Variants in FAM184A observed in about 807,000 individuals in gnomAD.
FAM184A encodes family with sequence similarity 184 member A.
Under a neutral mutation model 143.8 loss-of-function variants are expected in FAM184A, and 99 were observed. That is an observed-to-expected ratio of 0.69 (90% CI 0.58 to 0.81). The LOEUF is 0.81. Ranked by LOEUF, FAM184A falls within the 40% of genes least tolerant of loss-of-function variation. The probability of loss-of-function intolerance (pLI) is 0.00; values close to 1 mark genes in which losing one functional copy is unlikely to be tolerated. For synonymous variants in FAM184A, 427 were observed against 446.4 expected (o/e 0.96, Z 0.55); for missense variants, 1,217 against 1,310.5 (o/e 0.93, Z 1.10).
chr6:119,026,610 C>G (rs764678004), intron 1 of FAM184A, among the ~76,000 whole-genome samples: 39 of 152,284 alleles, frequency 2.6e-4, no homozygotes, highest in Non-Finnish European at 5.3e-4. Context: ...ATTGGACATG[C>G]TGGGCTTTTC....
At position 119,033,456 on chromosome 6, in the gene FAM184A, G is replaced by C. The variant is rs200851795; in HGVS notation, c.160-8643C>G. Among the ~76,000 whole-genome samples, 49 of 151,702 alleles carry C rather than the reference G, an allele frequency of 3.2e-4. No homozygotes were observed. In the East Asian group the frequency reaches 4.5e-3, roughly 14 times the overall value. On this transcript the variant is annotated intron_variant, in intron 1 of 17. Transcript: ENST00000338891. ...CAAGGTGGTCAAATCATGAGGTCAG[G>C]AGTTCAAGACCAGCCTGGTCAACAT... is the stretch of plus-strand genomic sequence containing the variant.
intron 1 of FAM184A, among the ~76,000 whole-genome samples, chr6:119,055,063 C>CT (rs1786909096): frequency 6.6e-6 from 1 of 152,150 alleles, no homozygotes; most frequent in Non-Finnish European, 1.5e-5. Context: ...CCCTTCTCCT[C>CT]ACAACCCCTC....
At chr6:119,122,255 T>A (rs1789234909) in intron 1 of FAM184A, among the ~76,000 whole-genome samples, 1 of 152,216 alleles carries the variant, frequency 6.6e-6, no homozygotes, top group South Asian at 2.1e-4. Flanking sequence ...GAAGGGAATG[T>A]CTTGCATTAA....
At chr6:119,026,259 T>TA (rs1168124189) in intron 1 of FAM184A, among the ~76,000 whole-genome samples, 2 of 152,272 alleles carry the variant, frequency 1.3e-5, no homozygotes, top group South Asian at 4.2e-4. Context: ...ATTCTGTTTT[T>TA]AAAAAACCCT....
At chr6:118,966,493 T>G (rs987243050) in intron 15 of FAM184A, among the ~76,000 whole-genome samples, 1 of 152,198 alleles carries the variant, frequency 6.6e-6, no homozygotes, top group East Asian at 1.9e-4. Flanking sequence ...GGCTTTTCTT[T>G]GCTAGCCAAT....
chr6:118,961,613 C>T lies in FAM184A; in HGVS notation c.3341+148G>A, dbSNP rs1783327272. 16 of 720,800 alleles carry T rather than the reference C, an allele frequency of 2.2e-5. No individual in the cohort carries two copies. The South Asian group carries it at 2.8e-4, about 13-fold the overall frequency. 44.7% of individuals were successfully genotyped at this position (720,800 alleles called of 1,614,324 possible). A position where few individuals can be genotyped will look rare whatever the true frequency, so the allele number is the denominator to read the frequency against. ...TTTAACACAGTCAAAAGGAAGTTCT[C>T]TAGAGAGGGGATAAATATACTTTGA... On this transcript the variant is annotated intron_variant, in intron 17 of 17. Transcript: ENST00000338891.
intron 9 of FAM184A, among the ~76,000 whole-genome samples, chr6:118,985,533 C>A (rs4620153): frequency 0.01 from 1,565 of 152,266 alleles, 14 homozygotes; most frequent in Non-Finnish European, 0.017. Flanking sequence ...AAGGTACTCA[C>A]GATATTCAGA....
chr6:119,031,153 G>A (rs1785855509), intron 1 of FAM184A, among the ~76,000 whole-genome samples: 1 of 151,976 alleles, frequency 6.6e-6, no homozygotes, highest in South Asian at 2.1e-4. Flanking sequence ...CTAGATCCTA[G>A]GTTTAACATG....
chr6:118,989,573 TAAC>T (rs1185167717), intron 9 of FAM184A, among the ~76,000 whole-genome samples: 1 of 115,766 alleles, frequency 8.6e-6, no homozygotes, highest in Non-Finnish European at 2.1e-5. Context: ...TCCAATGATA[TAAC>T]TTATTAAAGT....
chr6:119,029,763 G>C (rs1214208332), intron 1 of FAM184A, among the ~76,000 whole-genome samples: 1 of 152,132 alleles, frequency 6.6e-6, no homozygotes, highest in East Asian at 1.9e-4. Context: ...TCTAATGCAG[G>C]AGTTAGCAAA....
chr6:119,036,626 T>C (rs1036250899), intron 1 of FAM184A, among the ~76,000 whole-genome samples: 2 of 152,078 alleles, frequency 1.3e-5, no homozygotes, highest in Non-Finnish European at 2.9e-5. Context: ...TCAGGATCTG[T>C]GCAATGGGAT....
Position 118,967,329 on chromosome 6 carries a change from C to T in FAM184A, c.2916-377G>A, listed in dbSNP as rs571371449. ...TACTAGAAAGGCAGGCTCACTATTA[C>T]AAGTGCTTATCACAATACAATACTG... On this transcript the variant is annotated intron_variant, in intron 14 of 17. Coordinates refer to ENST00000338891, the MANE Select transcript of FAM184A (RefSeq NM_024581.6). 2.6e-5 allele frequency among the ~76,000 whole-genome samples: 4 copies of T among 152,270 alleles called. No homozygotes were observed. In the South Asian group the frequency reaches 8.3e-4, roughly 32 times the overall value.
At chr6:119,145,707 A>G (rs1237288141) in intron 1 of FAM184A, among the ~76,000 whole-genome samples, 5 of 152,302 alleles carry the variant, frequency 3.3e-5, no homozygotes, top group Middle Eastern at 3.4e-3. Context: ...AGGACCAACT[A>G]TTAGGAAGAG....
At chr6:118,960,536 T>G (rs1783288020) in intron 17 of FAM184A, among the ~76,000 whole-genome samples, 1 of 152,208 alleles carries the variant, frequency 6.6e-6, no homozygotes, top group South Asian at 2.1e-4. Flanking sequence ...CCTTTTCTCT[T>G]TTAGCTGATC....
At position 118,980,398 on chromosome 6, in the gene FAM184A, T is replaced by C. The variant is rs767956259; in HGVS notation, c.2089-48A>G. ...ATGAAGAATAAATACAAGGCATAGT[T>C]CACAAACTACCCAGCAAAGGGGGAA... On this transcript the variant is annotated intron_variant, in intron 9 of 17. Coordinates refer to ENST00000338891, the MANE Select transcript of FAM184A (RefSeq NM_024581.6). The C allele has an allele frequency of 2.1e-5, 31 of 1,453,968 alleles. No individual in the cohort carries two copies. In the East Asian group the frequency reaches 5.7e-4, roughly 27 times the overall value. The allele number at this position is 1,453,968 out of a possible 1,614,324, so 90.1% of individuals were successfully genotyped here. A position where few individuals can be genotyped will look rare whatever the true frequency, so the allele number is the denominator to read the frequency against.
At chr6:119,006,974 T>G (rs1784938214) in intron 6 of FAM184A, among the ~76,000 whole-genome samples, 1 of 152,194 alleles carries the variant, frequency 6.6e-6, no homozygotes, top group Non-Finnish European at 1.5e-5. Context: ...AAACCATCCT[T>G]TAAAATTTAA....
intron 1 of FAM184A, among the ~76,000 whole-genome samples, chr6:119,076,020 G>A (rs1787859516): frequency 6.6e-6 from 1 of 152,000 alleles, no homozygotes; most frequent in Non-Finnish European, 1.5e-5. Context: ...TATGTCAATG[G>A]TTCTTAATTG....
At chr6:118,970,060 A>C (rs1273019963) in intron 14 of FAM184A, among the ~76,000 whole-genome samples, 1 of 121,262 alleles carries the variant, frequency 8.2e-6, no homozygotes, top group Non-Finnish European at 1.7e-5. Context: ...CTGGAGTGCA[A>C]TGGCACAATC....
chr6:119,020,174 G>C lies in FAM184A; in HGVS notation c.1151-15C>G, dbSNP rs1333115099. On this transcript the variant is annotated splice_polypyrimidine_tract_variant and intron_variant, in intron 3 of 17. Coordinates refer to ENST00000338891, the MANE Select transcript of FAM184A (RefSeq NM_024581.6). ...TCCAATATGACCTATCCCCCAAAAA[G>C]AAAATCCCTTCAATTTAAAAATCAG... 1 of 1,502,110 alleles carries C rather than the reference G, an allele frequency of 6.7e-7. No homozygotes were observed. 93.0% of individuals were successfully genotyped at this position (1,502,110 alleles called of 1,614,324 possible).
Sources: gnomAD v4.1 joint callset for allele counts (sites outside exome capture counted in the v4.1 genomes callset) on GRCh38, gnomAD v4.1.1 for gene constraint, MANE v1.5 for transcripts, NCBI Gene and HGNC (gene_info 2026-07-23, HGNC 2026-07-21) for gene names.